The following CANT1 variants were observed in gnomAD, a reference collection of about 807,000 sequenced individuals.
The protein encoded by CANT1 is soluble calcium-activated nucleotidase 1.
A neutral mutation model predicts 30.0 loss-of-function variants in CANT1; 26 were observed. The ratio of observed to expected loss-of-function variants is 0.87; its 90% CI spans 0.64 to 1.20. The LOEUF (loss-of-function observed/expected upper bound fraction) is 1.20, where lower values mean the gene tolerates loss of function less well. Ranked by LOEUF, CANT1 falls within the 50% of genes most tolerant of loss-of-function variation. The pLI is 0.00. For synonymous variants in CANT1, 246 were observed against 251.8 expected, an observed-to-expected ratio of 0.98 and a Z score of 0.22; for missense variants, 518 against 563.0, an observed-to-expected ratio of 0.92 and a Z score of 0.81.
chr17:79,001,496 AAT>A, intron 1 of CANT1, among the ~76,000 whole-genome samples: 1 of 152,146 alleles, frequency 6.6e-6, no homozygotes, highest in Non-Finnish European at 1.5e-5. Flanking sequence ...ACTGCTGCTG[AAT>A]AAATGGCGAA....
At position 78,995,445 on chromosome 17, in the gene CANT1, C is replaced by G. The variant is rs1324590263; in HGVS notation, c.632-224G>C. Among the ~76,000 whole-genome samples, 1 of 152,216 alleles carries G rather than the reference C, an allele frequency of 6.6e-6. No individual in the cohort carries two copies. Among genetic ancestry groups the G allele is most frequent in the African/African-American group, 2.4e-5 (1 of 41,458 alleles). ...TGACCACTCTCAAGTCTCCTCTGAT[C>G]CCCAACTCCCCGCTCCTCAAGCTGT... On this transcript the variant is annotated intron_variant, in intron 3 of 4. Coordinates refer to ENST00000392446, the MANE Select transcript of CANT1 (RefSeq NM_001159773.2). The surrounding 1 kb of genome is among the most constrained non-coding windows in gnomAD (Gnocchi z 5.7).
In CANT1 at chr17:78,995,172, G is replaced by T; in HGVS notation, c.681C>A (p.Gly227=). 1.2e-6 allele frequency: 2 copies of T among 1,613,794 alleles called. No homozygotes were observed. Among genetic ancestry groups the T allele is most frequent in the East Asian group, 2.2e-5 (1 of 44,876 alleles). Residue 227 remains glycine (G), a synonymous_variant, in exon 4 of 5, where the codon GGC becomes GGA. Transcript: ENST00000392446. This position sits in a 1 kb window ranked among gnomAD's most constrained non-coding sequence, Gnocchi z 5.7. ...TGGTCGTCCACTCCTTGCCCAGGCC[G>T]CCCACGTACAGACGCTCGTCCTTCA... is the stretch of plus-strand genomic sequence containing the variant. ...LAVKDERLYV[G]GLGKEWTTTT...
chr17:78,992,397 G>C lies in CANT1; in HGVS notation c.*1153C>G. 1 of 291,034 alleles carries C rather than the reference G, an allele frequency of 3.4e-6. No individual in the cohort carries two copies. The highest frequency in any genetic ancestry group is 6.7e-6 in the Non-Finnish European group (1 of 149,446). 18.0% of individuals were successfully genotyped at this position (291,034 alleles called of 1,614,324 possible). On this transcript the variant is annotated 3_prime_UTR_variant, in exon 5 of 5. Coordinates refer to ENST00000392446, the MANE Select transcript of CANT1 (RefSeq NM_001159773.2). ...GATGGAAACGTCCCTTCTCAGCCTG[G>C]GTCGTGCCTAACCTGGGTCTCAAAT...
At chr17:79,006,866 G>A (rs949329985) in intron 1 of CANT1, among the ~76,000 whole-genome samples, 1 of 152,102 alleles carries the variant, frequency 6.6e-6, no homozygotes, top group Non-Finnish European at 1.5e-5. Context: ...CTCTCCTCAC[G>A]CTTTCCTCCA....
At chr17:78,994,821 G>A (rs1456352667) in intron 4 of CANT1, among the ~76,000 whole-genome samples, 197 bp downstream of exon 4, 1 of 152,250 alleles carries the variant, frequency 6.6e-6, no homozygotes, top group East Asian at 1.9e-4. Context: ...TGGGGAGGCT[G>A]AGGCAGAAAA....
chr17:79,008,174 A>T lies in CANT1; in HGVS notation c.-147+1490T>A, dbSNP rs2071618113. ...GTGCCTTTCAGCAGGGGCGTGTGCT[A>T]GGATAGAGGGCTCATTGAGGCCAGC... On this transcript the variant is annotated intron_variant, in intron 1 of 4. Coordinates refer to ENST00000392446, the MANE Select transcript of CANT1 (RefSeq NM_001159773.2). The surrounding 1 kb of genome is among the most constrained non-coding windows in gnomAD (Gnocchi z 4.4). The T allele has an allele frequency of 1.3e-5, 2 of 152,276 alleles. No individual in the cohort carries two copies. The allele number at this position is 152,276 out of a possible 1,614,324, so 9.4% of individuals were successfully genotyped here.
At chr17:79,000,595 G>A (rs796674150) in intron 1 of CANT1, among the ~76,000 whole-genome samples, 12 of 152,176 alleles carry the variant, frequency 7.9e-5, no homozygotes, top group African/African-American at 2.9e-4. Flanking sequence ...CAGGTCCTGG[G>A]GTGAACCCAC....
chr17:78,995,333 G>C lies in CANT1; in HGVS notation c.632-112C>G. On this transcript the variant is annotated intron_variant, in intron 3 of 4. Transcript: ENST00000392446. This position sits in a 1 kb window ranked among gnomAD's most constrained non-coding sequence, Gnocchi z 5.7. The stretch of plus-strand genomic sequence containing the variant: ...TAGACCCCGCACCTGACTCCCGCCC[G>C]GCTCCACACCTGCCTCCCCTCCGGC... The C allele has an allele frequency of 8.6e-7, 1 of 1,169,492 alleles. No homozygotes were observed. The allele number at this position is 1,169,492 out of a possible 1,614,324, so 72.4% of individuals were successfully genotyped here.
intron 1 of CANT1, among the ~76,000 whole-genome samples, chr17:79,003,395 C>A (rs988159584): frequency 7.0e-6 from 1 of 143,644 alleles, no homozygotes; most frequent in African/African-American, 2.6e-5. Context: ...TGGCTGCCGG[C>A]GCCTGCTGCA....
At chr17:79,004,923 G>A (rs1011146896) in intron 1 of CANT1, among the ~76,000 whole-genome samples, 6 of 6,100 alleles carry the variant, frequency 9.8e-4, no homozygotes, top group Admixed American at 1.5e-3. Context: ...GGGGAGCTGG[G>A]GGGGAGTTAT....
At chr17:79,001,708 C>T (rs976455596) in intron 1 of CANT1, among the ~76,000 whole-genome samples, 2 of 152,190 alleles carry the variant, frequency 1.3e-5, no homozygotes, top group East Asian at 1.9e-4. Flanking sequence ...TGTCCCTCCT[C>T]GAGGCAGGGG....
At chr17:79,000,426 C>A (rs80269200) in intron 1 of CANT1, among the ~76,000 whole-genome samples, 19,852 of 151,484 alleles carry the variant, frequency 0.13, 1,610 homozygotes, top group East Asian at 0.29. Flanking sequence ...CGGCTGCCTC[C>A]CTCCACCCCT....
Position 78,998,413 on chromosome 17 carries a change from C to T in CANT1, c.-146-450G>A, listed in dbSNP as rs1054024751. 4 of 152,278 alleles carry T rather than the reference C, an allele frequency of 2.6e-5. No individual in the cohort carries two copies. Among genetic ancestry groups the T allele is most frequent in the African/African-American group, 9.6e-5 (4 of 41,466 alleles). The allele number at this position is 152,278 out of a possible 1,614,324, so 9.4% of individuals were successfully genotyped here. ...CTATTAATGCAAATGACTGCAGGGACCAGAGTCTGCGCTGCCCTGACTGCC... is the reference window on the plus strand; with the variant it reads ...CTATTAATGCAAATGACTGCAGGGATCAGAGTCTGCGCTGCCCTGACTGCC... On this transcript the variant is annotated intron_variant, in intron 1 of 4. Coordinates refer to ENST00000392446, the MANE Select transcript of CANT1 (RefSeq NM_001159773.2). This position sits in a 1 kb window ranked among gnomAD's most constrained non-coding sequence, Gnocchi z 4.5.
At chr17:79,007,549 C>T (rs1216935572) in intron 1 of CANT1, among the ~76,000 whole-genome samples, 1 of 152,218 alleles carries the variant, frequency 6.6e-6, no homozygotes, top group Admixed American at 6.5e-5. Flanking sequence ...AGTACCGAGA[C>T]TCCGAGGACG....
intron 4 of CANT1, among the ~76,000 whole-genome samples, chr17:78,994,436 G>C (rs755665674): frequency 6.6e-6 from 1 of 152,218 alleles, no homozygotes; most frequent in Non-Finnish European, 1.5e-5. Context: ...ACGGCCCAGC[G>C]CCAGGGGTAG....
chr17:79,000,368 G>A (rs73999363), intron 1 of CANT1: 5,376 of 152,560 alleles, frequency 0.035, 133 homozygotes, highest in African/African-American at 0.06. Context: ...CATTGACTCC[G>A]TGGACAGGTT....
chr17:79,001,337 T>C (rs2071252995), intron 1 of CANT1, among the ~76,000 whole-genome samples: 2 of 152,108 alleles, frequency 1.3e-5, no homozygotes, highest in Non-Finnish European at 2.9e-5. Context: ...CCGAGGCCCC[T>C]GGGTGGGGCT....
At position 78,997,597 on chromosome 17, in the gene CANT1, G is replaced by T; in HGVS notation, c.26C>A (p.Pro9Gln). MPVQLSEH[P>Q]EWNESMHSLR... is the part of the protein sequence containing the mutation. ...GGAGTGCATAGACTCATTCCATTCC[G>T]GGTGCTCAGACAGCTGCACGGGCAT... Residue 9 changes from proline (P) to glutamine (Q), a missense_variant, in exon 3 of 5, where the codon CCG (proline) becomes CAG (glutamine). By Grantham distance (76) the Pro-to-Gln change is moderately conservative. Transcript: ENST00000392446. This position sits in a 1 kb window ranked among gnomAD's most constrained non-coding sequence, Gnocchi z 7.5. 1.3e-6 allele frequency: 2 copies of T among 1,566,134 alleles called. No homozygotes were observed. Among genetic ancestry groups the T allele is most frequent in the East Asian group, 2.3e-5 (1 of 44,126 alleles).
chr17:79,003,630 A>G (rs1004088220), intron 1 of CANT1, among the ~76,000 whole-genome samples: 2 of 152,104 alleles, frequency 1.3e-5, no homozygotes, highest in Admixed American at 1.3e-4. Flanking sequence ...AAGATTGACA[A>G]ACCCAGTGCC....
Sources: gnomAD v4.1 joint callset for allele counts (sites outside exome capture counted in the v4.1 genomes callset) on GRCh38, gnomAD v4.1.1 for gene constraint, Gnocchi (gnomAD v3.1) non-coding constraint, MANE v1.5 for transcripts, NCBI Gene and HGNC (gene_info 2026-07-23, HGNC 2026-07-21) for gene names.